Variants in CUX2 observed in about 807,000 individuals in gnomAD.
The protein encoded by CUX2 is homeobox protein cut-like 2.
In CUX2, 40 loss-of-function variants were observed where a neutral mutation model predicts 144.8. The ratio of observed to expected loss-of-function variants is 0.28; its 90% confidence interval spans 0.21 to 0.36. The LOEUF (loss-of-function observed/expected upper bound fraction) is 0.36, where lower values mean the gene tolerates loss of function less well. Among genes scored for constraint, CUX2 ranks in the 10% least tolerant of loss-of-function variants. The pLI is 1.00. For synonymous variants in CUX2, 827 were observed against 875.6 expected (o/e 0.94, Z 0.98); for missense variants, 1,615 against 1,994.0 (o/e 0.81, Z 3.62).
In CUX2 at chr12:111,171,761, T is replaced by TCC. The variant is rs1878536840; in HGVS notation, c.64-42437_64-42436dup. Among the ~76,000 whole-genome samples, 1 of 152,120 alleles carries TCC rather than the reference T, an allele frequency of 6.6e-6. No individual in the cohort carries two copies. The highest frequency in any genetic ancestry group is 6.5e-5 in the Admixed American group (1 of 15,286). ...GCTCCCTGGTGAAAGAATGGCAGGG[T>TCC]CCCTTTTCGCCTCCCGGGGAAGGAG... is the stretch of plus-strand genomic sequence containing the variant. On this transcript the variant is annotated intron_variant, in intron 1 of 21. Transcript: ENST00000261726. The surrounding 1 kb of genome is among the most constrained non-coding windows in gnomAD (Gnocchi z 5.0).
chr12:111,258,269 T>C (rs774833651), intron 3 of CUX2, among the ~76,000 whole-genome samples: 13 of 152,154 alleles, frequency 8.5e-5, no homozygotes, highest in Non-Finnish European at 1.5e-4. Context: ...TCCCAGCACC[T>C]TGGGAGGCCA....
At position 111,287,680 on chromosome 12, in the gene CUX2, C is replaced by T. The variant is rs143935833; in HGVS notation, c.302-3738C>T. 2.4e-4 allele frequency among the ~76,000 whole-genome samples: 36 copies of T among 152,356 alleles called. No homozygotes were observed. The highest frequency in any genetic ancestry group is 6.7e-4 in the African/African-American group (28 of 41,584). ...GCGCAGGCCCTGCCTAATGACGGGG[C>T]GTGGGGGCTGCCGGCAGATGAAAGC... On this transcript the variant is annotated intron_variant, in intron 4 of 21. Transcript: ENST00000261726. The surrounding 1 kb of genome is among the most constrained non-coding windows in gnomAD (Gnocchi z 4.2).
intron 1 of CUX2, among the ~76,000 whole-genome samples, chr12:111,074,972 G>A (rs1425754104): frequency 6.6e-6 from 1 of 152,166 alleles, no homozygotes; most frequent in African/African-American, 2.4e-5. Flanking sequence ...GCCCCTGCCT[G>A]TTCAGAGCCT....
chr12:111,185,485 A>T (rs1281495691), intron 1 of CUX2, among the ~76,000 whole-genome samples: 1 of 151,968 alleles, frequency 6.6e-6, no homozygotes, highest in African/African-American at 2.4e-5. Context: ...GTGTACTGAA[A>T]CCGCTGAGCC....
Position 111,310,329 on chromosome 12 carries a change from C to A in CUX2, c.1547C>A (p.Pro516His), listed in dbSNP as rs758831026. The change falls in exon 15 of 22, where the codon CCC becomes CAC. Residue 516 changes from proline (P) to histidine (H), a missense_variant. By Grantham distance (77) the Pro-to-His change is moderately conservative. This residue lies in a region of CUX2 where 154 missense variants were observed against 148.4 expected (regional missense o/e 1.04). Coordinates refer to ENST00000261726, the MANE Select transcript of CUX2 (RefSeq NM_015267.4). The surrounding 1 kb of genome is among the most constrained non-coding windows in gnomAD (Gnocchi z 7.9). ...VFPPAFYGAKPPTAPATPAPG... is the reference protein window; with the variant it reads ...VFPPAFYGAKHPTAPATPAPG... ...CCCCCAGCCTTCTATGGCGCCAAGC[C>A]CCCCACAGCCCCTGCCACCCCGGCC... The A allele has an allele frequency of 2.0e-6, 3 of 1,518,826 alleles. No homozygotes were observed. In the East Asian group the frequency reaches 7.1e-5, roughly 36 times the overall value. 94.1% of individuals were successfully genotyped at this position (1,518,826 alleles called of 1,614,324 possible). A position where few individuals can be genotyped will look rare whatever the true frequency, so the allele number is the denominator to read the frequency against.
At chr12:111,210,712 G>A (rs773779557) in intron 1 of CUX2, among the ~76,000 whole-genome samples, 1 of 151,926 alleles carries the variant, frequency 6.6e-6, no homozygotes, top group Non-Finnish European at 1.5e-5. Context: ...TGGAAGGATC[G>A]CCTGAGCCTG....
At chr12:111,051,123 A>G (rs1366243424) in intron 1 of CUX2, among the ~76,000 whole-genome samples, 2 of 152,244 alleles carry the variant, frequency 1.3e-5, no homozygotes, top group African/African-American at 4.8e-5. Context: ...AATATTATGT[A>G]TCAATTAAAA....
chr12:111,145,353 G>A (rs1357461662), intron 1 of CUX2, among the ~76,000 whole-genome samples: 2 of 152,036 alleles, frequency 1.3e-5, no homozygotes, highest in Non-Finnish European at 2.9e-5. Context: ...GCTAACCAGT[G>A]CCTTAAGCTT....
At chr12:111,254,967 A>G (rs1407320356) in intron 3 of CUX2, among the ~76,000 whole-genome samples, 1 of 152,154 alleles carries the variant, frequency 6.6e-6, no homozygotes, top group Admixed American at 6.5e-5. Flanking sequence ...CTACTGCCTT[A>G]GCCTCCTGAG....
intron 21 of CUX2, among the ~76,000 whole-genome samples, chr12:111,346,049 G>A (rs1888788954): frequency 6.7e-6 from 1 of 150,214 alleles, no homozygotes; most frequent in Non-Finnish European, 1.5e-5. Flanking sequence ...AGGTTGCAGT[G>A]AGCCGAGATC....
rs1883768786 is a variant in CUX2 at position 111,255,420 on chromosome 12, C to T, written c.223-8341C>T. Reference sequence around the variant, plus strand: ...TTAGCACTCGCCAGGGAACGGGGGCCCCAGCAGACACACCTGGAGGCAGGC... The same window carrying T: ...TTAGCACTCGCCAGGGAACGGGGGCTCCAGCAGACACACCTGGAGGCAGGC... On this transcript the variant is annotated intron_variant, in intron 3 of 21. Transcript: ENST00000261726. This position sits in a 1 kb window ranked among gnomAD's most constrained non-coding sequence, Gnocchi z 4.1. Among the ~76,000 whole-genome samples the T allele has an allele frequency of 6.6e-6, 1 of 152,230 alleles. No individual in the cohort carries two copies. Among genetic ancestry groups the T allele is most frequent in the African/African-American group, 2.4e-5 (1 of 41,464 alleles).
chr12:111,166,255 C>A (rs1335470804), intron 1 of CUX2, among the ~76,000 whole-genome samples: 1 of 152,204 alleles, frequency 6.6e-6, no homozygotes, highest in East Asian at 1.9e-4. Context: ...CTTCTGGCCT[C>A]AAGCGATTCT....
At chr12:111,047,082 G>A (rs969966160) in intron 1 of CUX2, among the ~76,000 whole-genome samples, 1 of 152,252 alleles carries the variant, frequency 6.6e-6, no homozygotes, top group African/African-American at 2.4e-5. Flanking sequence ...CCGGTTCCCA[G>A]CGTGTCTCCC....
chr12:111,287,682 T>G lies in CUX2; in HGVS notation c.302-3736T>G, dbSNP rs1164703499. ...GCAGGCCCTGCCTAATGACGGGGCG[T>G]GGGGGCTGCCGGCAGATGAAAGCCA... On this transcript the variant is annotated intron_variant, in intron 4 of 21. Coordinates refer to ENST00000261726, the MANE Select transcript of CUX2 (RefSeq NM_015267.4). This position sits in a 1 kb window ranked among gnomAD's most constrained non-coding sequence, Gnocchi z 4.2. Among the ~76,000 whole-genome samples, 1 of 152,176 alleles carries G rather than the reference T, an allele frequency of 6.6e-6. No homozygotes were observed. Among genetic ancestry groups the G allele is most frequent in the Admixed American group, 6.5e-5 (1 of 15,270 alleles).
intron 1 of CUX2, among the ~76,000 whole-genome samples, chr12:111,151,646 G>T (rs1334602335): frequency 6.6e-6 from 1 of 152,114 alleles, no homozygotes; most frequent in African/African-American, 2.4e-5. Flanking sequence ...CGAGACTTAG[G>T]GGCGGTGGAC....
intron 1 of CUX2, among the ~76,000 whole-genome samples, chr12:111,210,712 G>T (rs773779557): frequency 3.3e-5 from 5 of 151,926 alleles, no homozygotes. Flanking sequence ...TGGAAGGATC[G>T]CCTGAGCCTG....
chr12:111,042,242 A>C (rs559039416), intron 1 of CUX2, among the ~76,000 whole-genome samples: 22 of 152,298 alleles, frequency 1.4e-4, no homozygotes, highest in African/African-American at 5.3e-4. Context: ...TGACTTGCCC[A>C]GCCGCCGGTG....
In CUX2 at chr12:111,209,740, A is replaced by G. The variant is rs534001929; in HGVS notation, c.64-4460A>G. Among the ~76,000 whole-genome samples the G allele has an allele frequency of 2.8e-4, 42 of 152,232 alleles. No individual in the cohort carries two copies. In the East Asian group the frequency reaches 7.8e-3, roughly 28 times the overall value. On this transcript the variant is annotated intron_variant, in intron 1 of 21. Coordinates refer to ENST00000261726, the MANE Select transcript of CUX2 (RefSeq NM_015267.4). Reference sequence around the variant, plus strand: ...AGGGGGTACTGCAGATCCCATCAGAAGAGCCCCTTCCTCCAAGCCCCCGGC... The same window carrying G: ...AGGGGGTACTGCAGATCCCATCAGAGGAGCCCCTTCCTCCAAGCCCCCGGC...
chr12:111,101,093 A>G (rs58929348), intron 1 of CUX2, among the ~76,000 whole-genome samples: 10,031 of 152,184 alleles, frequency 0.066, 1,129 homozygotes, highest in African/African-American at 0.23. Flanking sequence ...TTGGTTTTGG[A>G]AGGGGTGTTG....
Sources: gnomAD v4.1 joint callset for allele counts (sites outside exome capture counted in the v4.1 genomes callset) on GRCh38, gnomAD v4.1.1 for gene constraint, gnomAD v4.1.1 regional missense constraint, Gnocchi (gnomAD v3.1) non-coding constraint, MANE v1.5 for transcripts, NCBI Gene and HGNC (gene_info 2026-07-23, HGNC 2026-07-21) for gene names.